ZNF326: variants seen among roughly 807,000 people sequenced by gnomAD.
The protein encoded by ZNF326 is zinc finger protein 326.
A neutral mutation model predicts 63.1 loss-of-function variants in ZNF326; 30 were observed. The ratio of observed to expected loss-of-function variants is 0.48; its 90% CI spans 0.36 to 0.64. The LOEUF is 0.64. Among genes scored for constraint, ZNF326 ranks in the 30% least tolerant of loss-of-function variants. The pLI is 0.00. For synonymous variants in ZNF326, 194 were observed against 228.2 expected, an observed-to-expected ratio of 0.85 and a Z score of 1.35; for missense variants, 609 against 720.3, an observed-to-expected ratio of 0.85 and a Z score of 1.77.
chr1:90,012,422 T>G (rs1419652006), intron 6 of ZNF326, among the ~76,000 whole-genome samples: 1 of 152,102 alleles, frequency 6.6e-6, no homozygotes, highest in Non-Finnish European at 1.5e-5. Flanking sequence ...AGAAAGCAGA[T>G]TAGTGGTTAC....
rs201684255 is a variant in ZNF326, at chr1:90,003,506, GTA to G, written c.62-1496_62-1495del. ...TTAAGATGAGGCCACAAATGGCAGA[GTA>G]AGGCAGAGTATCACAAGCACCACGT... On this transcript the variant is annotated intron_variant, in intron 2 of 11. Transcript: ENST00000340281. Among the ~76,000 whole-genome samples, 203 of 152,310 alleles carry G rather than the reference GTA, an allele frequency of 1.3e-3. 8 individuals are homozygous for G. In the East Asian group the frequency reaches 0.032, roughly 24 times the overall value.
rs1649022758 is a variant in ZNF326, at chr1:90,007,075, CA to C, written c.210-269del. 6.6e-6 allele frequency among the ~76,000 whole-genome samples: 1 copy of C among 152,142 alleles called. No individual in the cohort carries two copies. Among genetic ancestry groups the C allele is most frequent in the Non-Finnish European group, 1.5e-5 (1 of 68,006 alleles). ...AATGACAGACAAATCTTTTCTTCTT[CA>C]TAAAATAGAAAAGCTGCTAAGAAGC... On this transcript the variant is annotated intron_variant, in intron 4 of 11. Coordinates refer to ENST00000340281, the MANE Select transcript of ZNF326 (RefSeq NM_182976.4). This position sits in a 1 kb window ranked among gnomAD's most constrained non-coding sequence, Gnocchi z 4.9.
chr1:90,031,389 G>A lies in ZNF326; in HGVS notation c.*3688G>A, dbSNP rs1053315969. ...GCAAGATTGTTCTTATTGTAGAAGT[G>A]GATATTATCAGATTATTTTAGATGT... On this transcript the variant is annotated 3_prime_UTR_variant, in exon 12 of 12. Coordinates refer to ENST00000340281, the MANE Select transcript of ZNF326 (RefSeq NM_182976.4). 2.0e-5 allele frequency: 3 copies of A among 151,998 alleles called. No individual in the cohort carries two copies. The highest frequency in any genetic ancestry group is 6.6e-5 in the Admixed American group (1 of 15,266). The allele number at this position is 151,998 out of a possible 1,614,324, so 9.4% of individuals were successfully genotyped here.
rs1164612556 is a variant in ZNF326, at chr1:90,010,275, G to A, written c.803G>A (p.Ser268Asn). The A allele has an allele frequency of 1.2e-6, 2 of 1,613,212 alleles. No homozygotes were observed. The highest frequency in any genetic ancestry group is 1.7e-4 in the Middle Eastern group (1 of 6,050). The part of the protein sequence containing the change: ...LAKPMEKISL[S>N]KSPTKTDPKN... The stretch of plus-strand genomic sequence containing the variant: ...AAACCTATGGAGAAGATAAGCCTCA[G>A]CAAATCACCCAGTAAGTAAGAAAAC... Residue 268 changes from serine to asparagine, a missense_variant, in exon 6 of 12, where the codon AGC (serine) becomes AAC (asparagine). This residue lies in a region of ZNF326 where 399 missense variants were observed against 444.3 expected (regional missense o/e 0.90). Coordinates refer to ENST00000340281, the MANE Select transcript of ZNF326 (RefSeq NM_182976.4).
rs147602076 is a variant in ZNF326 at position 90,007,440 on chromosome 1, G to A, written c.305G>A (p.Arg102His). ...GYGFNEPEQS[R>H]FGGSYGGRFE... ...GGTTTTAATGAACCCGAACAAAGCC[G>A]CTTCGGAGGTAGTTATGGTGGTCGA... The change falls in exon 5 of 12, where the codon CGC (arginine) becomes CAC (histidine). Residue 102 changes from arginine to histidine, a missense_variant. Arg to His is a conservative substitution (Grantham distance 29). This residue lies in a region of ZNF326 where 113 missense variants were observed against 187.4 expected (regional missense o/e 0.60). Transcript: ENST00000340281. The surrounding 1 kb of genome is among the most constrained non-coding windows in gnomAD (Gnocchi z 4.9). 7 of 1,613,980 alleles carry A rather than the reference G, an allele frequency of 4.3e-6. No individual in the cohort carries two copies. Among genetic ancestry groups the A allele is most frequent in the African/African-American group, 4.0e-5 (3 of 74,906 alleles).
At chr1:90,014,057 T>C (rs1312716666) in intron 7 of ZNF326, among the ~76,000 whole-genome samples, 1 of 148,176 alleles carries the variant, frequency 6.7e-6, no homozygotes, top group Admixed American at 6.7e-5. Flanking sequence ...AGAGCGAGAC[T>C]CTGTCTCAAA....
intron 5 of ZNF326, among the ~76,000 whole-genome samples, chr1:90,009,685 T>G (rs1014513800): frequency 6.6e-6 from 1 of 152,144 alleles, no homozygotes; most frequent in African/African-American, 2.4e-5. Flanking sequence ...GTATCTTAGT[T>G]TTAGTAAAAT....
At chr1:90,014,074 AAG>A (rs962965048) in intron 7 of ZNF326, among the ~76,000 whole-genome samples, 2 of 152,058 alleles carry the variant, frequency 1.3e-5, no homozygotes, top group African/African-American at 4.8e-5. Flanking sequence ...CAAAAAAAAA[AAG>A]AGGGGAATTG....
chr1:90,027,434 T>G lies in ZNF326; in HGVS notation c.1482T>G (p.Asp494Glu). Residue 494 changes from aspartate (D) to glutamate (E), a missense_variant, in exon 12 of 12, where the codon GAT becomes GAG. By Grantham distance (45) the Asp-to-Glu change is conservative. Around this residue, in one of 3 missense-constraint regions of ZNF326, gnomAD observed 399 missense variants for 444.3 expected, o/e 0.90. Transcript: ENST00000340281. ...EGDEEDEEKI[D>E]EPIEEEEDED... ...ATGAGGAGGATGAAGAGAAGATTGA[T>G]GAACCTATTGAAGAAGAGGAGGATG... 2 of 1,613,608 alleles carry G rather than the reference T, an allele frequency of 1.2e-6. No homozygotes were observed. Among genetic ancestry groups the G allele is most frequent in the Non-Finnish European group, 1.7e-6 (2 of 1,179,912 alleles).
intron 7 of ZNF326, among the ~76,000 whole-genome samples, chr1:90,015,356 A>G (rs1000947151): frequency 2.6e-5 from 4 of 152,174 alleles, no homozygotes; most frequent in African/African-American, 4.8e-5. Context: ...CAGGAGTACA[A>G]TGTAGTCTCA....
At position 90,001,345 on chromosome 1, in the gene ZNF326, G is replaced by C. The variant is rs112486670; in HGVS notation, c.61+3191G>C. On this transcript the variant is annotated intron_variant, in intron 2 of 11. Transcript: ENST00000340281. ...TGAACATGATTGAACTTAACATTTT[G>C]TCAGAATTATTGTGGCTGTTGTCTT... Among the ~76,000 whole-genome samples, 561 of 152,264 alleles carry C rather than the reference G, an allele frequency of 3.7e-3. 5 individuals are homozygous for C. The highest frequency in any genetic ancestry group is 0.013 in the African/African-American group (528 of 41,556).
At chr1:90,025,614 CA>C (rs1211551194) in intron 11 of ZNF326, among the ~76,000 whole-genome samples, 1 of 152,180 alleles carries the variant, frequency 6.6e-6, no homozygotes, top group Non-Finnish European at 1.5e-5. Flanking sequence ...TGGTTTTTGA[CA>C]GCTTCATAGG....
intron 6 of ZNF326, among the ~76,000 whole-genome samples, chr1:90,010,712 A>G (rs1194323962): frequency 1.3e-5 from 2 of 152,182 alleles, no homozygotes; most frequent in Non-Finnish European, 2.9e-5. Context: ...TTATTTTAAA[A>G]TAACTTTTTC....
rs1238183770 is a variant in ZNF326 at position 90,007,835 on chromosome 1, A to G, written c.615+85A>G. On this transcript the variant is annotated intron_variant, in intron 5 of 11. Coordinates refer to ENST00000340281, the MANE Select transcript of ZNF326 (RefSeq NM_182976.4). The surrounding 1 kb of genome is among the most constrained non-coding windows in gnomAD (Gnocchi z 4.9). Reference sequence around the variant, plus strand: ...AGACCATCGTTTTCAACTAGAATAAACACTGTTCATCCCGGTGTATTTTGA... The same window carrying G: ...AGACCATCGTTTTCAACTAGAATAAGCACTGTTCATCCCGGTGTATTTTGA... The G allele has an allele frequency of 1.1e-5, 14 of 1,266,486 alleles. No individual in the cohort carries two copies. Among genetic ancestry groups the G allele is most frequent in the South Asian group, 2.5e-5 (1 of 39,268 alleles). 78.5% of individuals were successfully genotyped at this position (1,266,486 alleles called of 1,614,324 possible).
rs752412259 is a variant in ZNF326, at chr1:89,995,350, C to G, written c.16+77C>G. ...TACGCAGGGGGTCTGTTTACCGTCT[C>G]AAGATGGCCGTGTGGGCTTTGTTCT... On this transcript the variant is annotated intron_variant, in intron 1 of 11. Transcript: ENST00000340281. The G allele has an allele frequency of 1.5e-3, 2,260 of 1,496,106 alleles. 2 individuals are homozygous for G. Among genetic ancestry groups the G allele is most frequent in the Non-Finnish European group, 1.9e-3 (2,138 of 1,119,268 alleles). The allele number at this position is 1,496,106 out of a possible 1,614,324, so 92.7% of individuals were successfully genotyped here. A position where few individuals can be genotyped will look rare whatever the true frequency, so the allele number is the denominator to read the frequency against.
At chr1:90,013,621 G>C (rs1361832146) in intron 7 of ZNF326, among the ~76,000 whole-genome samples, 1 of 152,120 alleles carries the variant, frequency 6.6e-6, no homozygotes, top group African/African-American at 2.4e-5. Flanking sequence ...TAAATGAGTA[G>C]GTACTGGCTT....
rs1263297750 is a variant in ZNF326 at position 90,031,145 on chromosome 1, C to G, written c.*3444C>G. ...TAGGTTTGGGGGATTCTTCATAATA[C>G]TTTCTGAAAGCACTGGAATCTATAA... On this transcript the variant is annotated 3_prime_UTR_variant, in exon 12 of 12. Transcript: ENST00000340281. 6.6e-6 allele frequency: 1 copy of G among 152,162 alleles called. No homozygotes were observed. Among genetic ancestry groups the G allele is most frequent in the African/African-American group, 2.4e-5 (1 of 41,436 alleles). 9.4% of individuals were successfully genotyped at this position (152,162 alleles called of 1,614,324 possible).
chr1:90,027,797 T>C lies in ZNF326; in HGVS notation c.*96T>C. The C allele has an allele frequency of 9.0e-7, 1 of 1,113,850 alleles. No homozygotes were observed. Among genetic ancestry groups the C allele is most frequent in the Non-Finnish European group, 1.3e-6 (1 of 763,152 alleles). The allele number at this position is 1,113,850 out of a possible 1,614,324, so 69.0% of individuals were successfully genotyped here. ...AGCTTAAAATATGAATTAACACCCA[T>C]GTTGCATGCATTCCACATATTAAAA... On this transcript the variant is annotated 3_prime_UTR_variant, in exon 12 of 12. Transcript: ENST00000340281.
intron 4 of ZNF326, chr1:90,005,464 C>G: frequency 8.0e-7 from 1 of 1,245,728 alleles, no homozygotes; most frequent in Non-Finnish European, 1.0e-6. Context: ...TATATCATGT[C>G]AATATAATAG....
Sources: gnomAD v4.1 joint callset for allele counts (sites outside exome capture counted in the v4.1 genomes callset) on GRCh38, gnomAD v4.1.1 for gene constraint, gnomAD v4.1.1 regional missense constraint, Gnocchi (gnomAD v3.1) non-coding constraint, MANE v1.5 for transcripts, NCBI Gene and HGNC (gene_info 2026-07-23, HGNC 2026-07-21) for gene names.